Variants in CALD1 observed in about 807,000 individuals in gnomAD.
The protein encoded by CALD1 is caldesmon.
A neutral mutation model predicts 99.9 loss-of-function variants in CALD1; 33 were observed. The observed-to-expected ratio is 0.33, with a 90% confidence interval of 0.25 to 0.44. The LOEUF is 0.44. Among genes scored for constraint, CALD1 ranks in the 20% least tolerant of loss-of-function variants. The pLI is 1.00. For synonymous variants in CALD1, 310 were observed against 325.0 expected (o/e 0.95, Z 0.50); for missense variants, 861 against 962.1 (o/e 0.89, Z 1.39).
rs1308684251 is a variant in CALD1, at chr7:134,831,409, T to C, written c.-129-12475T>C. On this transcript the variant is annotated intron_variant, in intron 1 of 14. Transcript: ENST00000361675. ...ATCTCGGCTCACTGCAACCTCCGCCTCCTAGGTTCAAGAAATTCTCTGCCT... is the reference window on the plus strand; with the variant it reads ...ATCTCGGCTCACTGCAACCTCCGCCCCCTAGGTTCAAGAAATTCTCTGCCT... Among the ~76,000 whole-genome samples the C allele has an allele frequency of 2.9e-4, 44 of 152,076 alleles. 1 individual carries two copies.
intron 1 of CALD1, among the ~76,000 whole-genome samples, chr7:134,785,097 A>G (rs1157964341): frequency 6.6e-6 from 1 of 152,220 alleles, no homozygotes; most frequent in African/African-American, 2.4e-5. Context: ...GAAATTGAGC[A>G]TGGAAGGCAA....
chr7:134,817,217 A>G (rs532759058), intron 1 of CALD1, among the ~76,000 whole-genome samples: 3 of 152,176 alleles, frequency 2.0e-5, no homozygotes, highest in Non-Finnish European at 4.4e-5. Context: ...TATTTAACAA[A>G]CAGAATCTCA....
In CALD1 at chr7:134,970,328, A is replaced by C. The variant is rs1280530892; in HGVS notation, c.*1983A>C. ...CCTGATCACTATTACATATTTTTCT[A>C]GAAAATCTAAAGTTCAGAAGAGAAT... On this transcript the variant is annotated 3_prime_UTR_variant, in exon 15 of 15. Transcript: ENST00000361675. 3 of 152,266 alleles carry C rather than the reference A, an allele frequency of 2.0e-5. No individual in the cohort carries two copies. Among genetic ancestry groups the C allele is most frequent in the Non-Finnish European group, 2.9e-5 (2 of 68,038 alleles). 9.4% of individuals were successfully genotyped at this position (152,266 alleles called of 1,614,324 possible).
At chr7:134,928,992 C>A in intron 4 of CALD1, 92 bp downstream of exon 4, 1 of 1,108,782 alleles carries the variant, frequency 9.0e-7, no homozygotes, top group Non-Finnish European at 1.3e-6. Context: ...CTTTCTCAGC[C>A]CAACTCAACC....
chr7:134,756,317 T>C (rs563609977), intron 1 of CALD1, among the ~76,000 whole-genome samples: 38 of 140,240 alleles, frequency 2.7e-4, no homozygotes, highest in Admixed American at 1.2e-3. Flanking sequence ...AACCTAAAAC[T>C]AAAAAATTCA....
intron 2 of CALD1, among the ~76,000 whole-genome samples, chr7:134,845,282 AAATG>A (rs1042459313): frequency 6.6e-6 from 1 of 152,200 alleles, no homozygotes; most frequent in Non-Finnish European, 1.5e-5. Flanking sequence ...AATATTTATT[AAATG>A]AATGAATGAA....
intron 1 of CALD1, among the ~76,000 whole-genome samples, chr7:134,814,152 G>A (rs1798467282): frequency 6.6e-6 from 1 of 152,192 alleles, no homozygotes; most frequent in South Asian, 2.1e-4. Flanking sequence ...TAGCTGTGGA[G>A]CAAGGAGACA....
At chr7:134,958,183 TTA>T in intron 10 of CALD1, 24 bp from the exon 11 acceptor site, 1 of 1,611,704 alleles carries the variant, frequency 6.2e-7, no homozygotes, top group Non-Finnish European at 8.5e-7. Context: ...TCTCATATTT[TTA>T]TATGTATGTG....
intron 3 of CALD1, among the ~76,000 whole-genome samples, chr7:134,868,796 T>G (rs993414873): frequency 1.3e-5 from 2 of 152,162 alleles, no homozygotes; most frequent in Admixed American, 6.5e-5. Flanking sequence ...CTATGGATGG[T>G]ACCTGCATTC....
At position 134,920,662 on chromosome 7, in the gene CALD1, C is replaced by G. The variant is rs887507016; in HGVS notation, c.72-8092C>G. 96 of 1,289,184 alleles carry G rather than the reference C, an allele frequency of 7.4e-5. 2 individuals carry two copies. In the Admixed American group the frequency reaches 8.7e-4, roughly 12 times the overall value. 79.9% of individuals were successfully genotyped at this position (1,289,184 alleles called of 1,614,324 possible). On this transcript the variant is annotated intron_variant, in intron 3 of 14. Transcript: ENST00000361675. The stretch of plus-strand genomic sequence containing the variant: ...GACTTCTTATATGAAAGTGGACAGA[C>G]AGTGGAATGCAGAAATTTTAGAGCT...
intron 2 of CALD1, among the ~76,000 whole-genome samples, chr7:134,851,581 A>C (rs1180415934): frequency 6.6e-6 from 1 of 152,216 alleles, no homozygotes; most frequent in Non-Finnish European, 1.5e-5. Context: ...CAGCAACGTC[A>C]AAATGAACGT....
Position 134,935,744 on chromosome 7 carries a change from G to A in CALD1, c.1365G>A (p.Lys455=), listed in dbSNP as rs1415641301. ...QAKREKLQED[K]PTFKKEEIKD... ...AAAGAGAAAAGCTCCAAGAAGACAA[G>A]CCTACCTTCAAAAAAGAAGAGGTAA... is the stretch of plus-strand genomic sequence containing the variant. The change falls in exon 6 of 15, where the codon AAG becomes AAA. Residue 455 remains lysine, a synonymous_variant. Coordinates refer to ENST00000361675, the MANE Select transcript of CALD1 (RefSeq NM_033138.4). 4 of 1,597,264 alleles carry A rather than the reference G, an allele frequency of 2.5e-6. No homozygotes were observed. Among genetic ancestry groups the A allele is most frequent in the Non-Finnish European group, 3.4e-6 (4 of 1,173,744 alleles).
chr7:134,934,176 CA>C (rs1805768327), intron 5 of CALD1, 99 bp downstream of exon 5: 2 of 1,500,364 alleles, frequency 1.3e-6, no homozygotes, highest in African/African-American at 2.8e-5. Context: ...ATATAGCTCA[CA>C]TGCTTGATCA....
chr7:134,879,484 A>G (rs1266922664), intron 3 of CALD1, among the ~76,000 whole-genome samples: 2 of 152,242 alleles, frequency 1.3e-5, no homozygotes, highest in East Asian at 3.8e-4. Flanking sequence ...ACTTTGAATT[A>G]TTTATAAATA....
rs75054986 is a variant in CALD1, at chr7:134,891,407, T to G, written c.71+23603T>G. On this transcript the variant is annotated intron_variant, in intron 3 of 14. Coordinates refer to ENST00000361675, the MANE Select transcript of CALD1 (RefSeq NM_033138.4). ...ATGATCCTGTGAGGAGGGAACGGGT[T>G]GGGAGGAGTAGATTTGGCTGAGGAC... The G allele has an allele frequency of 4.5e-3, 5,766 of 1,281,746 alleles. 189 individuals carry two copies. In the African/African-American group the frequency reaches 0.077, roughly 17 times the overall value. The allele number at this position is 1,281,746 out of a possible 1,614,324, so 79.4% of individuals were successfully genotyped here.
At chr7:134,936,144 T>C (rs1000519298) in intron 6 of CALD1, among the ~76,000 whole-genome samples, 2 of 152,258 alleles carry the variant, frequency 1.3e-5, no homozygotes, top group African/African-American at 4.8e-5. Context: ...CATTCTACTT[T>C]CATTTCAATC....
intron 4 of CALD1, among the ~76,000 whole-genome samples, chr7:134,930,848 G>A (rs1805468702): frequency 2.0e-5 from 3 of 152,188 alleles, no homozygotes; most frequent in Non-Finnish European, 4.4e-5. Context: ...CTTAACACGG[G>A]AGGGCAACGT....
At chr7:134,837,522 T>A (rs1159218107) in intron 1 of CALD1, among the ~76,000 whole-genome samples, 3 of 152,160 alleles carry the variant, frequency 2.0e-5, no homozygotes, top group Non-Finnish European at 4.4e-5. Flanking sequence ...TTTTAATTTT[T>A]ATTTTTAGTA....
intron 2 of CALD1, among the ~76,000 whole-genome samples, chr7:134,858,812 C>T (rs1055666884): frequency 1.3e-5 from 2 of 152,196 alleles, no homozygotes; most frequent in African/African-American, 4.8e-5. Flanking sequence ...TTGTGATCCA[C>T]CTGCCTCGGC....
Sources: gnomAD v4.1 joint callset for allele counts (sites outside exome capture counted in the v4.1 genomes callset) on GRCh38, gnomAD v4.1.1 for gene constraint, MANE v1.5 for transcripts, NCBI Gene and HGNC (gene_info 2026-07-23, HGNC 2026-07-21) for gene names.